PRG4: variants seen among roughly 807,000 people sequenced by gnomAD.
PRG4 encodes the protein articular superficial zone protein.
In PRG4, 61 loss-of-function variants were observed where a neutral mutation model predicts 91.2. That is an observed-to-expected ratio of 0.67 (90% CI 0.54 to 0.83). The LOEUF (loss-of-function observed/expected upper bound fraction) is 0.83. Among genes scored for constraint, PRG4 ranks in the 40% least tolerant of loss-of-function variants. The probability of loss-of-function intolerance (pLI) is 0.00; values close to 1 mark genes in which losing one functional copy is unlikely to be tolerated. For missense variants in PRG4, 1,564 were observed against 1,714.2 expected (o/e 0.91, Z 1.55); for synonymous variants, 576 against 614.2 (o/e 0.94, Z 0.92).
At chr1:186,299,000 G>A (rs1045334388) in intron 2 of PRG4, among the ~76,000 whole-genome samples, 1 of 152,012 alleles carries the variant, frequency 6.6e-6, no homozygotes, top group Non-Finnish European at 1.5e-5. Flanking sequence ...TCAGACTTTG[G>A]CATTCCTGGA....
rs746951033 is a variant in PRG4 at position 186,301,577 on chromosome 1, T to C, written c.200-15T>C. ...ACAATGAATAATCTGTAACTTCTTG[T>C]TTTGCTCTGGGTAGAGCTTTCCTGT... On this transcript the variant is annotated splice_polypyrimidine_tract_variant and intron_variant, in intron 3 of 12. Transcript: ENST00000445192. 3 of 1,613,738 alleles carry C rather than the reference T, an allele frequency of 1.9e-6. No individual in the cohort carries two copies. Among genetic ancestry groups the C allele is most frequent in the Non-Finnish European group, 1.7e-6 (2 of 1,179,842 alleles).
At position 186,312,185 on chromosome 1, in the gene PRG4, T is replaced by C. The variant is rs1402588176; in HGVS notation, c.3804T>C (p.Ile1268=). Residue 1268 remains isoleucine (I), a synonymous_variant, in exon 11 of 13, where the codon ATT becomes ATC. Transcript: ENST00000445192. Reference sequence around the variant, plus strand: ...TCTAATACATAACAGGTGGCAGCATTCAGCAGTATATTTATAAACAGGAAC... The same window carrying C: ...TCTAATACATAACAGGTGGCAGCATCCAGCAGTATATTTATAAACAGGAAC... ...SVYFFKRGGS[I]QQYIYKQEPV... 3 of 1,613,728 alleles carry C rather than the reference T, an allele frequency of 1.9e-6. No homozygotes were observed. The highest frequency in any genetic ancestry group is 2.5e-6 in the Non-Finnish European group (3 of 1,179,778).
intron 3 of PRG4, 76 bp from the exon 4 acceptor site, chr1:186,301,516 G>A (rs1338289037): frequency 6.2e-7 from 1 of 1,600,598 alleles, no homozygotes; most frequent in Non-Finnish European, 8.5e-7. Context: ...CAAGTCTAAG[G>A]TGGGAAATGG....
chr1:186,306,945 C>T lies in PRG4; in HGVS notation c.1226C>T (p.Pro409Leu), dbSNP rs776954509. 3.1e-6 allele frequency: 5 copies of T among 1,604,796 alleles called. No individual in the cohort carries two copies. The highest frequency in any genetic ancestry group is 4.2e-6 in the Non-Finnish European group (5 of 1,176,942). The change falls in exon 7 of 13, where the codon CCC (proline) becomes CTC (leucine). Residue 409 changes from proline (P) to leucine (L), a missense_variant. This residue lies in a region of PRG4 where 48 missense variants were observed against 93.0 expected (regional missense o/e 0.52). Transcript: ENST00000445192. ...TTTKEPAPTT[P>L]KEPAPTTTKE... ...ACCAAGGAGCCTGCACCCACCACTC[C>T]CAAGGAGCCTGCACCCACCACCACC...
Position 186,308,723 on chromosome 1 carries a change from GAAGA to G in PRG4, c.3007_3010del (p.Glu1003GlnfsTer40), listed in dbSNP as rs1446059074. The G allele has an allele frequency of 1.9e-6, 3 of 1,613,646 alleles. No individual in the cohort carries two copies. Among genetic ancestry groups the G allele is most frequent in the East Asian group, 2.2e-5 (1 of 44,858 alleles). On this transcript the variant is annotated frameshift_variant, in exon 7 of 13. Transcript: ENST00000445192. LOFTEE classifies it high-confidence loss of function. ...TACCACTGAGATTATGAACAAACCTGAAGAAACAGCTAAACCAAAAGACAGAGCT... is the reference window on the plus strand; with the variant it reads ...TACCACTGAGATTATGAACAAACCTGAACAGCTAAACCAAAAGACAGAGCT...
intron 2 of PRG4, 87 bp from the exon 3 acceptor site, chr1:186,300,004 C>A: frequency 6.7e-7 from 1 of 1,488,314 alleles, no homozygotes; most frequent in Non-Finnish European, 9.4e-7. Flanking sequence ...AATTCTCTCT[C>A]ACCAAGTGGC....
Position 186,312,766 on chromosome 1 carries a change from C to T in PRG4, c.3992-3C>T, listed in dbSNP as rs377031640. 1 of 1,612,494 alleles carries T rather than the reference C, an allele frequency of 6.2e-7. No individual in the cohort carries two copies. The highest frequency in any genetic ancestry group is 1.3e-5 in the African/African-American group (1 of 74,872). ...TATCTTTTATTAAACATGCCACTTA[C>T]AGGTGTCCTTCATAATGAAGTTAAA... On this transcript the variant is annotated splice_polypyrimidine_tract_variant and splice_region_variant and intron_variant, in intron 11 of 12. Transcript: ENST00000445192.
At chr1:186,303,538 A>C (rs1264992607) in intron 4 of PRG4, among the ~76,000 whole-genome samples, 1 of 152,150 alleles carries the variant, frequency 6.6e-6, no homozygotes, top group Non-Finnish European at 1.5e-5. Flanking sequence ...AAGGTTAAAA[A>C]GATACACACC....
intron 12 of PRG4, chr1:186,313,314 C>A (rs925854372): frequency 1.6e-5 from 5 of 309,940 alleles, no homozygotes; most frequent in Admixed American, 4.7e-5. Context: ...CTTTGAAATG[C>A]CCAGAAATCT....
Position 186,308,684 on chromosome 1 carries a change from A to C in PRG4, c.2965A>C (p.Lys989Gln). ...TTLAPKVTTTKKTITTTEIMN... is the reference protein window; with the variant it reads ...TTLAPKVTTTQKTITTTEIMN... Reference sequence around the variant, plus strand: ...TCTTGCACCCAAAGTAACTACAACAAAAAAGACAATTACTACCACTGAGAT... The same window carrying C: ...TCTTGCACCCAAAGTAACTACAACACAAAAGACAATTACTACCACTGAGAT... Residue 989 changes from lysine to glutamine, a missense_variant, in exon 7 of 13, where the codon AAA (lysine) becomes CAA (glutamine). By Grantham distance (53) the Lys-to-Gln change is moderately conservative. Transcript: ENST00000445192. 1 of 1,611,616 alleles carries C rather than the reference A, an allele frequency of 6.2e-7. No homozygotes were observed.
chr1:186,304,914 A>G lies in PRG4; in HGVS notation c.590A>G (p.Lys197Arg). 6.2e-7 allele frequency: 1 copy of G among 1,613,282 alleles called. No homozygotes were observed. Among genetic ancestry groups the G allele is most frequent in the South Asian group, 1.1e-5 (1 of 91,020 alleles). The change falls in exon 6 of 13, where the codon AAA (lysine) becomes AGA (arginine). Residue 197 changes from lysine (K) to arginine (R), a missense_variant. Lys to Arg is a conservative substitution (Grantham distance 26). Around this residue, in one of 3 missense-constraint regions of PRG4, gnomAD observed 437 missense variants for 459.0 expected, o/e 0.95. Transcript: ENST00000445192. ...NSAANRELQK[K>R]LKVKDNKKNR... is the part of the protein sequence containing the mutation. Reference sequence around the variant, plus strand: ...GCTGCTAATAGAGAATTACAGAAGAAACTCAAAGGTTTGAGCATTGATAAA... The same window carrying G: ...GCTGCTAATAGAGAATTACAGAAGAGACTCAAAGGTTTGAGCATTGATAAA...
rs1475926873 is a variant in PRG4, at chr1:186,308,555, G to GA, written c.2842dup (p.Thr948AsnfsTer30). The GA allele has an allele frequency of 4.3e-6, 7 of 1,613,494 alleles. No homozygotes were observed. The highest frequency in any genetic ancestry group is 1.3e-5 in the African/African-American group (1 of 74,988). ...GACAAAAGAGACAGCAACTACAACA[G>GA]AAAAAACTACCGAATCCAAAATAAC... On this transcript the variant is annotated frameshift_variant, in exon 7 of 13. Transcript: ENST00000445192. LOFTEE classifies it high-confidence loss of function.
chr1:186,299,137 G>A (rs907328925), intron 2 of PRG4, among the ~76,000 whole-genome samples: 1 of 152,188 alleles, frequency 6.6e-6, no homozygotes, highest in Non-Finnish European at 1.5e-5. Flanking sequence ...ATTTCTCAGG[G>A]AGGGTTTTAA....
intron 4 of PRG4, among the ~76,000 whole-genome samples, chr1:186,302,495 A>G (rs1656290670): frequency 6.6e-6 from 1 of 152,270 alleles, no homozygotes; most frequent in Non-Finnish European, 1.5e-5. Context: ...TTGTGGAGGT[A>G]AAAGTGAAAA....
rs1473962578 is a variant in PRG4, at chr1:186,307,853, A to T, written c.2134A>T (p.Thr712Ser). Residue 712 changes from threonine to serine, a missense_variant, in exon 7 of 13, where the codon ACT (threonine) becomes TCT (serine). Thr to Ser is a moderately conservative substitution (Grantham distance 58). This residue lies in a region of PRG4 where 1,079 missense variants were observed against 1,162.2 expected (regional missense o/e 0.93). Coordinates refer to ENST00000445192, the MANE Select transcript of PRG4 (RefSeq NM_005807.6). Reference sequence around the variant, plus strand: ...GACTGCTCCAACTACCCCTAAAGGGACTGCTCCAACTACCCTCAAGGAACC... The same window carrying T: ...GACTGCTCCAACTACCCCTAAAGGGTCTGCTCCAACTACCCTCAAGGAACC... Reference protein sequence around the residue: ...KETAPTTPKGTAPTTLKEPAP... With the variant: ...KETAPTTPKGSAPTTLKEPAP... 1 of 1,594,538 alleles carries T rather than the reference A, an allele frequency of 6.3e-7. No individual in the cohort carries two copies. The highest frequency in any genetic ancestry group is 8.5e-7 in the Non-Finnish European group (1 of 1,174,050).
chr1:186,312,187 A>G lies in PRG4; in HGVS notation c.3806A>G (p.Gln1269Arg), dbSNP rs773912832. The G allele has an allele frequency of 6.2e-7, 1 of 1,613,852 alleles. No homozygotes were observed. Among genetic ancestry groups the G allele is most frequent in the Admixed American group, 1.7e-5 (1 of 60,018 alleles). Residue 1269 changes from glutamine to arginine, a missense_variant, in exon 11 of 13, where the codon CAG (glutamine) becomes CGG (arginine). Around this residue, in one of 3 missense-constraint regions of PRG4, gnomAD observed 1,079 missense variants for 1,162.2 expected, o/e 0.93. Transcript: ENST00000445192. Reference sequence around the variant, plus strand: ...TAATACATAACAGGTGGCAGCATTCAGCAGTATATTTATAAACAGGAACCT... The same window carrying G: ...TAATACATAACAGGTGGCAGCATTCGGCAGTATATTTATAAACAGGAACCT... The part of the protein sequence containing the change: ...VYFFKRGGSI[Q>R]QYIYKQEPVQ...
rs528156637 is a variant in PRG4, at chr1:186,300,947, T to C, written c.200-645T>C. ...GCAATTTATGTATTGGATAGGTAAT[T>C]ATTTCAAATAAGCCTTGGTAAGTCC... On this transcript the variant is annotated intron_variant, in intron 3 of 12. Transcript: ENST00000445192. 3.8e-4 allele frequency among the ~76,000 whole-genome samples: 58 copies of C among 152,352 alleles called. 1 individual carries two copies. The highest frequency in any genetic ancestry group is 7.4e-4 in the Non-Finnish European group (50 of 68,026).
In PRG4 at chr1:186,304,819, GTCC is replaced by G. The variant is rs753751208; in HGVS notation, c.513_515del (p.Ser177del). 223 of 1,605,012 alleles carry G rather than the reference GTCC, an allele frequency of 1.4e-4. No homozygotes were observed. Among genetic ancestry groups the G allele is most frequent in the Admixed American group, 1.8e-4 (11 of 59,838 alleles). ...AACATTCTGTTTCTGAAAATCAAGA[GTCC>G]TCCTCCTCCTCCTCCTCTTCCTCTT... is the stretch of plus-strand genomic sequence containing the variant. On this transcript the variant is annotated inframe_deletion, in exon 6 of 13. Transcript: ENST00000445192.
intron 2 of PRG4, among the ~76,000 whole-genome samples, chr1:186,298,578 C>A (rs1411093209): frequency 1.3e-5 from 2 of 151,836 alleles, no homozygotes; most frequent in Admixed American, 6.6e-5. Flanking sequence ...GCAACCTCCA[C>A]CTACGGGGTT....
Sources: allele counts gnomAD v4.1 joint callset (sites outside exome capture counted in the v4.1 genomes callset), GRCh38; gene constraint gnomAD v4.1.1; regional missense constraint gnomAD v4.1.1; transcripts MANE v1.5; gene names NCBI Gene and HGNC (gene_info 2026-07-23, HGNC 2026-07-21).